The following TRPC5 variants were observed in gnomAD, a reference collection of about 807,000 sequenced individuals.
TRPC5 encodes the protein transient receptor potential cation channel subfamily C member 5, also known as short transient receptor potential channel 5.
Under a neutral mutation model 56.5 loss-of-function variants are expected in TRPC5, and 9 were observed. That is an observed-to-expected ratio of 0.16 (90% CI 0.10 to 0.28). The LOEUF (loss-of-function observed/expected upper bound fraction) is 0.28. Among genes scored for constraint, TRPC5 ranks in the 10% least tolerant of loss-of-function variants. The probability of loss-of-function intolerance (pLI) is 1.00; values close to 1 mark genes in which losing one functional copy is unlikely to be tolerated. For synonymous variants in TRPC5, 282 were observed against 278.5 expected, an observed-to-expected ratio of 1.01 and a Z score of -0.13; for missense variants, 469 against 748.9, an observed-to-expected ratio of 0.63 and a Z score of 4.36.
intron 1 of TRPC5, among the ~76,000 whole-genome samples, chrX:111,965,615 A>G (rs1471025304): frequency 1.8e-5 from 2 of 112,107 alleles, no homozygotes; most frequent in African/African-American, 6.5e-5. Context: ...AGAAATTATA[A>G]CAAACTGTCT....
At chrX:112,076,953 A>C (rs1030298086) in intron 1 of TRPC5, among the ~76,000 whole-genome samples, 2 of 112,477 alleles carry the variant, frequency 1.8e-5, no homozygotes, top group African/African-American at 6.5e-5. Flanking sequence ...CCAATATATC[A>C]CATCTAGTGG....
chrX:111,960,683 C>T (rs925642937), intron 1 of TRPC5, among the ~76,000 whole-genome samples: 2 of 111,850 alleles, frequency 1.8e-5, no homozygotes, highest in Non-Finnish European at 3.8e-5. Flanking sequence ...ATGAGCCTGT[C>T]CCATTTCCGT....
intron 1 of TRPC5, among the ~76,000 whole-genome samples, chrX:112,066,020 C>T (rs141839946): frequency 0.037 from 3,943 of 107,978 alleles, 149 homozygotes; most frequent in African/African-American, 0.11. Context: ...AACTACCTGT[C>T]CCCAGACAGC....
At chrX:112,056,693 C>T (rs1569530291) in intron 1 of TRPC5, among the ~76,000 whole-genome samples, 1 of 112,178 alleles carries the variant, frequency 8.9e-6, no homozygotes, top group Non-Finnish European at 1.9e-5. Context: ...GGTTTTGGCT[C>T]ATTTTCCTAA....
At chrX:111,836,233 C>A (rs1208396463) in intron 6 of TRPC5, among the ~76,000 whole-genome samples, 1 of 112,082 alleles carries the variant, frequency 8.9e-6, no homozygotes, top group Admixed American at 9.5e-5. Flanking sequence ...ATTCAGAAAT[C>A]TGAATACAGC....
intron 1 of TRPC5, among the ~76,000 whole-genome samples, chrX:111,955,978 A>G (rs977609670): frequency 4.4e-5 from 5 of 112,442 alleles, no homozygotes; most frequent in African/African-American, 1.6e-4. Context: ...AAGATTAAGA[A>G]TTGTCTAACA....
At position 111,906,820 on chromosome X, in the gene TRPC5, AGATTTAGC is replaced by A. The variant is rs1925644389; in HGVS notation, c.900+5463_900+5470del. Among the ~76,000 whole-genome samples, 2 of 111,344 alleles carry A rather than the reference AGATTTAGC, an allele frequency of 1.8e-5. 1 individual carries two copies. Among genetic ancestry groups the A allele is most frequent in the Non-Finnish European group, 3.8e-5 (2 of 53,118 alleles). ...AGTTGGAATCACAGCACACTTTAAA[AGATTTAGC>A]AAGTTGTCATCAGGTATGGCACTAG... On this transcript the variant is annotated intron_variant, in intron 3 of 10. Coordinates refer to ENST00000262839, the MANE Select transcript of TRPC5 (RefSeq NM_012471.3).
In TRPC5 at chrX:111,893,446, G is replaced by A. The variant is rs977205045; in HGVS notation, c.900+18845C>T. ...GAGTGTCTATTCTCATGTTTGAACA[G>A]TGTTTTGAGGAAACACTGTATCTGT... On this transcript the variant is annotated intron_variant, in intron 3 of 10. Transcript: ENST00000262839. Among the ~76,000 whole-genome samples the A allele has an allele frequency of 9.8e-5, 11 of 111,677 alleles. No individual in the cohort carries two copies. The Admixed American group carries it at 1.1e-3, about 11-fold the overall frequency.
chrX:112,061,896 T>C (rs1447917831), intron 1 of TRPC5, among the ~76,000 whole-genome samples: 1 of 112,109 alleles, frequency 8.9e-6, no homozygotes, highest in African/African-American at 3.2e-5. Context: ...CTGGAAGTCA[T>C]TGAAAGTTTT....
At chrX:111,865,350 C>T (rs56902537) in intron 3 of TRPC5, among the ~76,000 whole-genome samples, 1,075 of 93,074 alleles carry the variant, frequency 0.012, 16 homozygotes, top group African/African-American at 0.042. Flanking sequence ...TTTTTTTTGA[C>T]GGAGTCTCAT....
intron 3 of TRPC5, among the ~76,000 whole-genome samples, chrX:111,859,419 T>C (rs1391147433): frequency 8.9e-6 from 1 of 112,674 alleles, no homozygotes; most frequent in Non-Finnish European, 1.9e-5. Flanking sequence ...TGCTTTATTA[T>C]ATTTGGCTTA....
intron 5 of TRPC5, among the ~76,000 whole-genome samples, chrX:111,850,536 G>A (rs995044503): frequency 9.0e-6 from 1 of 111,474 alleles, no homozygotes; most frequent in African/African-American, 3.3e-5. Flanking sequence ...TCTGTGGATG[G>A]GTAGACCTGA....
chrX:111,789,061 C>A (rs1225158136), intron 7 of TRPC5, among the ~76,000 whole-genome samples: 1 of 112,043 alleles, frequency 8.9e-6, no homozygotes, highest in Non-Finnish European at 1.9e-5. Context: ...TTGGAAAAAA[C>A]TACTTTAAAG....
chrX:111,970,028 A>G (rs1927735692), intron 1 of TRPC5, among the ~76,000 whole-genome samples: 1 of 110,893 alleles, frequency 9.0e-6, no homozygotes, highest in Admixed American at 9.7e-5. Flanking sequence ...ATTTCAAAGG[A>G]AGATAAAACA....
At position 112,016,360 on chromosome X, in the gene TRPC5, A is replaced by AGTGTGTGTGT. The variant is rs113555140; in HGVS notation, c.-21-63929_-21-63920dup. ...CAGAGAAGCACCTCTGGAAGGTTGG[A>AGTGTGTGTGT]GTGTGTGTGTGTGTGTGTGTGTGTG... On this transcript the variant is annotated intron_variant, in intron 1 of 10. Coordinates refer to ENST00000262839, the MANE Select transcript of TRPC5 (RefSeq NM_012471.3). 8.5e-4 allele frequency among the ~76,000 whole-genome samples: 87 copies of AGTGTGTGTGT among 102,853 alleles called. 1 individual carries two copies. The highest frequency in any genetic ancestry group is 3.0e-3 in the African/African-American group (83 of 27,336). 89.3% of individuals were successfully genotyped at this position (102,853 alleles called of 115,157 possible). A position where few individuals can be genotyped will look rare whatever the true frequency, so the allele number is the denominator to read the frequency against.
chrX:111,950,801 A>T (rs1927067876), intron 2 of TRPC5, among the ~76,000 whole-genome samples: 1 of 112,267 alleles, frequency 8.9e-6, no homozygotes, highest in African/African-American at 3.2e-5. Flanking sequence ...TTTCTCCCTT[A>T]TGAAGAAAGT....
At position 111,853,782 on chromosome X, in the gene TRPC5, G is replaced by A; in HGVS notation, c.1225C>T (p.Pro409Ser). ...PPTVVEWMIL[P>S]WVLGFIWGEI... is the part of the protein sequence containing the mutation. The stretch of plus-strand genomic sequence containing the variant: ...CCCTTTGACTTACCTAGAACCCAAG[G>A]CAATATCATCCATTCCACGACAGTT... The change falls in exon 4 of 11, where the codon CCT becomes TCT. Residue 409 changes from proline to serine, a missense_variant. Physicochemically the swap from Pro to Ser is moderately conservative, Grantham distance 74 (BLOSUM62 -1). Transcript: ENST00000262839. 1.7e-6 allele frequency: 2 copies of A among 1,211,192 alleles called. No individual in the cohort carries two copies. Among genetic ancestry groups the A allele is most frequent in the Non-Finnish European group, 2.2e-6 (2 of 895,092 alleles).
chrX:111,912,147 C>T lies in TRPC5; in HGVS notation c.900+144G>A, dbSNP rs188544696. The T allele has an allele frequency of 6.3e-4, 398 of 627,185 alleles. 1 individual carries two copies. In the African/African-American group the frequency reaches 7.4e-3, roughly 12 times the overall value. 51.7% of individuals were successfully genotyped at this position (627,185 alleles called of 1,213,427 possible). On this transcript the variant is annotated intron_variant, in intron 3 of 10. Transcript: ENST00000262839. The stretch of plus-strand genomic sequence containing the variant: ...AAATACAAAAAGGTTGTCTGTGCCT[C>T]GGATAAATGGGCCTAGCTGTGAGGC...
At chrX:111,918,561 T>C (rs1248965583) in intron 2 of TRPC5, among the ~76,000 whole-genome samples, 2 of 109,866 alleles carry the variant, frequency 1.8e-5, no homozygotes, top group Non-Finnish European at 3.8e-5. Flanking sequence ...GGATGGAAAA[T>C]TCAGGTTTTG....
Sources: allele counts gnomAD v4.1 joint callset (sites outside exome capture counted in the v4.1 genomes callset), GRCh38; gene constraint gnomAD v4.1.1; transcripts MANE v1.5; gene names NCBI Gene and HGNC (gene_info 2026-07-23, HGNC 2026-07-21).